Variants in SRGAP2 observed in about 807,000 individuals in gnomAD.
The protein encoded by SRGAP2 is SLIT-ROBO Rho GTPase activating protein 2.
A neutral mutation model predicts 57.2 loss-of-function variants in SRGAP2; 15 were observed. That is an observed-to-expected ratio of 0.26 (90% CI 0.18 to 0.40). The LOEUF (loss-of-function observed/expected upper bound fraction) is 0.40. SRGAP2 is among the 10% of genes least tolerant of loss of function. The pLI, the probability that SRGAP2 is intolerant of heterozygous loss-of-function variation, is 1.00. For synonymous variants in SRGAP2, 249 were observed against 248.0 expected, an observed-to-expected ratio of 1.00 and a Z score of -0.04; for missense variants, 520 against 669.6, an observed-to-expected ratio of 0.78 and a Z score of 2.47.
intron 14 of SRGAP2, among the ~76,000 whole-genome samples, chr1:206,434,937 T>C (rs1430170704): frequency 6.6e-6 from 1 of 152,268 alleles, no homozygotes; most frequent in Non-Finnish European, 1.5e-5. Flanking sequence ...CATTTGCTTA[T>C]ACCATGTTGT....
Position 206,439,999 on chromosome 1 carries a change from G to A in SRGAP2, c.1792G>A (p.Ala598Thr). The change falls in exon 17 of 23, where the codon GCT (alanine) becomes ACT (threonine). Residue 598 changes from alanine to threonine, a missense_variant. By Grantham distance (58) the Ala-to-Thr change is moderately conservative. Transcript: ENST00000573034. The part of the protein sequence containing the change: ...CVTMDNLQER[A>T]LHIRKVLLVL... Reference sequence around the variant, plus strand: ...AGCAATGGACAACCTGCAGGAGAGAGCTCTGCACATCCGGAAAGTCCTCCT... The same window carrying A: ...AGCAATGGACAACCTGCAGGAGAGAACTCTGCACATCCGGAAAGTCCTCCT... 1.3e-6 allele frequency: 1 copy of A among 780,870 alleles called. No homozygotes were observed. The highest frequency in any genetic ancestry group is 1.3e-5 in the South Asian group (1 of 74,620). 48.4% of individuals were successfully genotyped at this position (780,870 alleles called of 1,614,324 possible).
chr1:206,300,014 C>CT (rs1449589179), intron 2 of SRGAP2, among the ~76,000 whole-genome samples: 4,081 of 150,262 alleles, frequency 0.027, 191 homozygotes, highest in African/African-American at 0.094. Context: ...AACAGAGCCT[C>CT]TTTTTTTTCC....
At chr1:206,346,507 A>G (rs1388668844) in intron 4 of SRGAP2, among the ~76,000 whole-genome samples, 2 of 152,244 alleles carry the variant, frequency 1.3e-5, no homozygotes, top group Non-Finnish European at 2.9e-5. Flanking sequence ...GATTTCTTGA[A>G]GAATGAAGCA....
intron 17 of SRGAP2, among the ~76,000 whole-genome samples, chr1:206,441,695 C>A (rs1292106560): frequency 6.6e-6 from 1 of 152,126 alleles, no homozygotes; most frequent in Non-Finnish European, 1.5e-5. Flanking sequence ...ACCTAGATTT[C>A]TAGCTTCTTT....
intron 3 of SRGAP2, among the ~76,000 whole-genome samples, chr1:206,337,964 G>A (rs1212138031): frequency 4.6e-5 from 7 of 152,194 alleles, no homozygotes; most frequent in Non-Finnish European, 1.0e-4. Flanking sequence ...AATAGTCCAA[G>A]GTGAGGGAGA....
At chr1:206,428,771 T>C (rs1243506123) in intron 13 of SRGAP2, among the ~76,000 whole-genome samples, 1 of 152,166 alleles carries the variant, frequency 6.6e-6, no homozygotes, top group Non-Finnish European at 1.5e-5. Context: ...CAAGCAGTCC[T>C]CCCACCTCAG....
intron 2 of SRGAP2, among the ~76,000 whole-genome samples, chr1:206,249,758 GA>G (rs879997593): frequency 4.1e-4 from 62 of 150,858 alleles, no homozygotes; most frequent in Non-Finnish European, 7.4e-4. Context: ...AAAAGGAAAA[GA>G]AAAAAAAAGT....
rs1412238149 is a variant in SRGAP2, at chr1:206,209,489, G to C, written c.67+3452G>C. ...AGGCTTCAGCCCCAACCCTACCCCA[G>C]AGTGGTTTTATGAGGGGTGTGCCTC... On this transcript the variant is annotated intron_variant, in intron 2 of 22. Coordinates refer to ENST00000573034, the MANE Select transcript of SRGAP2 (RefSeq NM_015326.5). 1.4e-3 allele frequency among the ~76,000 whole-genome samples: 220 copies of C among 151,730 alleles called. 1 individual carries two copies. Among genetic ancestry groups the C allele is most frequent in the Non-Finnish European group, 5.4e-4 (37 of 67,920 alleles).
chr1:206,303,886 T>TCA (rs1376040852), intron 3 of SRGAP2, among the ~76,000 whole-genome samples: 72 of 132,974 alleles, frequency 5.4e-4, no homozygotes, highest in Non-Finnish European at 7.2e-4. Context: ...TCTCTCTCTC[T>TCA]CTCACACACA....
Position 206,240,391 on chromosome 1 carries a change from A to G in SRGAP2, c.67+34354A>G, listed in dbSNP as rs1378441547. On this transcript the variant is annotated intron_variant, in intron 2 of 22. Transcript: ENST00000573034. Reference sequence around the variant, plus strand: ...GGAGAATTTTGCAGTGCTTTTGAGCATGTCTGTGTAAATGTGCTGTACTCG... The same window carrying G: ...GGAGAATTTTGCAGTGCTTTTGAGCGTGTCTGTGTAAATGTGCTGTACTCG... Among the ~76,000 whole-genome samples the G allele has an allele frequency of 2.0e-5, 3 of 152,130 alleles. No homozygotes were observed. The East Asian group carries it at 5.8e-4, about 29-fold the overall frequency.
At chr1:206,455,125 G>A in intron 21 of SRGAP2, 101 bp downstream of exon 21, 1 of 766,974 alleles carries the variant, frequency 1.3e-6, no homozygotes. Flanking sequence ...TGCACGTAGG[G>A]CTCCCAGCTC....
intron 3 of SRGAP2, among the ~76,000 whole-genome samples, chr1:206,333,012 A>G (rs1553332379): frequency 6.7e-6 from 1 of 150,344 alleles, no homozygotes; most frequent in African/African-American, 2.5e-5. Context: ...TCTGTTTGTT[A>G]GTTTTCCTTC....
intron 2 of SRGAP2, among the ~76,000 whole-genome samples, chr1:206,295,340 C>T (rs1375386177): frequency 1.3e-5 from 2 of 152,194 alleles, no homozygotes; most frequent in African/African-American, 4.8e-5. Context: ...TCTCCTGCCT[C>T]ACCCTCCCAA....
chr1:206,251,603 C>T (rs1345129273), intron 2 of SRGAP2, among the ~76,000 whole-genome samples: 1 of 151,616 alleles, frequency 6.6e-6, no homozygotes, highest in Non-Finnish European at 1.5e-5. Flanking sequence ...ATCAGATCTG[C>T]CTCACTGTCA....
At chr1:206,357,420 A>G (rs1222344060) in intron 4 of SRGAP2, among the ~76,000 whole-genome samples, 3 of 151,492 alleles carry the variant, frequency 2.0e-5, no homozygotes, top group Non-Finnish European at 4.4e-5. Flanking sequence ...TACATTATAT[A>G]TTAAGCTTAG....
chr1:206,357,977 T>A (rs551217421), intron 4 of SRGAP2, among the ~76,000 whole-genome samples: 1 of 146,286 alleles, frequency 6.8e-6, no homozygotes, highest in East Asian at 2.0e-4. Context: ...AAATCACTTG[T>A]TTTTAGGATG....
chr1:206,241,805 A>G, intron 2 of SRGAP2, among the ~76,000 whole-genome samples: 1 of 151,490 alleles, frequency 6.6e-6, no homozygotes, highest in South Asian at 2.1e-4. Context: ...TCTTGAGGCT[A>G]GTTTTGTACC....
chr1:206,457,570 C>T (rs1197383966), intron 21 of SRGAP2, among the ~76,000 whole-genome samples: 9 of 152,184 alleles, frequency 5.9e-5, no homozygotes, highest in African/African-American at 9.7e-5. Flanking sequence ...CACTCGAGAG[C>T]GGCTGAGTCA....
At chr1:206,228,692 C>T (rs569942804) in intron 2 of SRGAP2, among the ~76,000 whole-genome samples, 358 of 151,660 alleles carry the variant, frequency 2.4e-3, no homozygotes, top group Non-Finnish European at 1.3e-3. Context: ...AGGTCCTTCT[C>T]ATAGATCTGA....
Sources: gnomAD v4.1 joint callset for allele counts (sites outside exome capture counted in the v4.1 genomes callset) on GRCh38, gnomAD v4.1.1 for gene constraint, MANE v1.5 for transcripts, NCBI Gene and HGNC (gene_info 2026-07-23, HGNC 2026-07-21) for gene names.